Variants in MAP3K9 observed in about 807,000 individuals in gnomAD.
MAP3K9 encodes mitogen-activated protein kinase kinase kinase 9, also known as mixed lineage kinase 1 (tyr and ser/thr specificity).
MAP3K9 carries 46 observed loss-of-function variants against 95.8 expected under a neutral mutation model. The observed-to-expected ratio is 0.48, with a 90% CI of 0.38 to 0.61. The LOEUF (loss-of-function observed/expected upper bound fraction) is 0.61, where lower values mean the gene tolerates loss of function less well. MAP3K9 is among the 20% of genes least tolerant of loss of function. MAP3K9 has a pLI of 0.00. For missense variants in MAP3K9, 1,296 were observed against 1,474.3 expected (o/e 0.88, Z 1.98); for synonymous variants, 533 against 593.8 (o/e 0.90, Z 1.49).
chr14:70,796,597 T>C (rs1255811164), intron 2 of MAP3K9, among the ~76,000 whole-genome samples: 1 of 152,198 alleles, frequency 6.6e-6, no homozygotes, highest in Admixed American at 6.5e-5. Flanking sequence ...CAGCGAGTGA[T>C]GGCCAGGCGA....
intron 5 of MAP3K9, among the ~76,000 whole-genome samples, chr14:70,747,266 C>T (rs2054160530): frequency 6.6e-6 from 1 of 152,100 alleles, no homozygotes; most frequent in Non-Finnish European, 1.5e-5. Context: ...ATAATTGAAT[C>T]ATGGGGGTGG....
chr14:70,755,116 T>G (rs956468982), intron 3 of MAP3K9, among the ~76,000 whole-genome samples: 1 of 152,226 alleles, frequency 6.6e-6, no homozygotes, highest in Non-Finnish European at 1.5e-5. Context: ...CAGCTCTGGA[T>G]GAGTTCCAGG....
chr14:70,758,050 A>G (rs1043691667), intron 3 of MAP3K9, among the ~76,000 whole-genome samples: 1 of 152,194 alleles, frequency 6.6e-6, no homozygotes, highest in African/African-American at 2.4e-5. Context: ...AAAATAAACT[A>G]GACATCATCA....
chr14:70,785,589 T>C (rs1333877419), intron 2 of MAP3K9, among the ~76,000 whole-genome samples: 9 of 152,136 alleles, frequency 5.9e-5, no homozygotes, highest in Non-Finnish European at 1.0e-4. Flanking sequence ...GTAGATGACA[T>C]AGGCGAGGTG....
rs765492788 is a variant in MAP3K9 at position 70,733,122 on chromosome 14, G to A, written c.2247C>T (p.Cys749=). The A allele has an allele frequency of 4.3e-6, 7 of 1,613,730 alleles. No individual in the cohort carries two copies. Among genetic ancestry groups the A allele is most frequent in the East Asian group, 4.5e-5 (2 of 44,880 alleles). ...CCCCACAGCCGAGCAGAGCCACCTC[G>A]CAGCGGCGGTGGTGGGCACCGCCCC... ...LKRGGAHHRR[C]EVALLGCGAV... Residue 749 remains cysteine, a synonymous_variant, in exon 11 of 12, where the codon TGC becomes TGT. Transcript: ENST00000554752.
At chr14:70,738,162 G>T in intron 8 of MAP3K9, 83 bp downstream of exon 8, 1 of 1,398,854 alleles carries the variant, frequency 7.1e-7, no homozygotes, top group Non-Finnish European at 9.6e-7. Context: ...ACACGACAGA[G>T]AAAAAAAGTT....
Position 70,730,702 on chromosome 14 carries a change from G to A in MAP3K9, c.2993C>T (p.Ser998Phe), listed in dbSNP as rs763330038. Reference sequence around the variant, plus strand: ...AGGGTCCAGCCGTTGCCGGTTGGCAGAAGGACGCGGCCGAGGCAGAAACTC... The same window carrying A: ...AGGGTCCAGCCGTTGCCGGTTGGCAAAAGGACGCGGCCGAGGCAGAAACTC... ...TLEFLPRPRP[S>F]ANRQRLDPWW... The change falls in exon 12 of 12, where the codon TCT becomes TTT. Residue 998 changes from serine to phenylalanine, a missense_variant. Physicochemically the swap from Ser to Phe is radical, Grantham distance 155 (BLOSUM62 -2). Around this residue, in one of 5 missense-constraint regions of MAP3K9, gnomAD observed 433 missense variants for 441.4 expected, o/e 0.98. Coordinates refer to ENST00000554752, the MANE Select transcript of MAP3K9 (RefSeq NM_001284230.2). The A allele has an allele frequency of 2.5e-6, 4 of 1,613,868 alleles. No individual in the cohort carries two copies. The South Asian group carries it at 3.3e-5, about 13-fold the overall frequency.
At chr14:70,756,143 T>C (rs1344424581) in intron 3 of MAP3K9, among the ~76,000 whole-genome samples, 2 of 152,168 alleles carry the variant, frequency 1.3e-5, no homozygotes, top group Non-Finnish European at 2.9e-5. Context: ...AGCTCTGCAA[T>C]GGCCTTGTCT....
chr14:70,790,964 T>C (rs541278252), intron 2 of MAP3K9, among the ~76,000 whole-genome samples: 3 of 152,196 alleles, frequency 2.0e-5, no homozygotes, highest in Non-Finnish European at 4.4e-5. Flanking sequence ...CAGGCTCTTC[T>C]CTCATCTCCT....
At position 70,730,848 on chromosome 14, in the gene MAP3K9, G is replaced by A. The variant is rs2053891346; in HGVS notation, c.2847C>T (p.Pro949=). The A allele has an allele frequency of 1.2e-6, 2 of 1,603,378 alleles. No homozygotes were observed. The highest frequency in any genetic ancestry group is 1.7e-6 in the Non-Finnish European group (2 of 1,176,934). Reference sequence around the variant, plus strand: ...ATTCACCTGGGTCTCGGCTGGGACTGGGGGTTTTCAACATTCCTGGTCAAA... The same window carrying A: ...ATTCACCTGGGTCTCGGCTGGGACTAGGGGTTTTCAACATTCCTGGTCAAA... The part of the protein sequence containing the change: ...PSPGAGMLKT[P]SPSRDPGEFP... The change falls in exon 12 of 12, where the codon CCC becomes CCT. Residue 949 remains proline (P), a synonymous_variant. Transcript: ENST00000554752.
At chr14:70,802,799 T>G (rs2139864199) in intron 1 of MAP3K9, among the ~76,000 whole-genome samples, 2 of 152,326 alleles carry the variant, frequency 1.3e-5, no homozygotes, top group Middle Eastern at 3.4e-3. Flanking sequence ...GTCTGCCCTA[T>G]TCACCACTGC....
chr14:70,759,416 T>C (rs1426664162), intron 3 of MAP3K9, among the ~76,000 whole-genome samples: 9 of 152,176 alleles, frequency 5.9e-5, no homozygotes, highest in Non-Finnish European at 1.2e-4. Context: ...CACTCCAGCC[T>C]GGGCAACAGA....
chr14:70,789,121 G>A (rs1446097533), intron 2 of MAP3K9, among the ~76,000 whole-genome samples: 1 of 152,228 alleles, frequency 6.6e-6, no homozygotes, highest in Non-Finnish European at 1.5e-5. Context: ...CAGACAGGAC[G>A]AGGCTGCATT....
chr14:70,761,076 C>T lies in MAP3K9; in HGVS notation c.927G>A (p.Ala309=), dbSNP rs759292474. ...GTGCCATCCAAGCATACGTCCCTGC[C>T]GCACTCATCTTGGTGGTTCGGTGCC... ...REWHRTTKMS[A]AGTYAWMAPE... The change falls in exon 3 of 12, where the codon GCG becomes GCA. Residue 309 remains alanine (A), a synonymous_variant. Transcript: ENST00000554752. 101 of 1,614,004 alleles carry T rather than the reference C, an allele frequency of 6.3e-5. No individual in the cohort carries two copies. Among genetic ancestry groups the T allele is most frequent in the South Asian group, 1.1e-4 (10 of 91,062 alleles).
At chr14:70,746,088 C>A (rs576857212) in intron 5 of MAP3K9, among the ~76,000 whole-genome samples, 1 of 152,212 alleles carries the variant, frequency 6.6e-6, no homozygotes, top group African/African-American at 2.4e-5. Context: ...AAAAAATATT[C>A]CTGGTTGGTT....
rs190369113 is a variant in MAP3K9, at chr14:70,730,502, G to A, written c.3193C>T (p.Arg1065Trp). Residue 1065 changes from arginine (R) to tryptophan (W), a missense_variant, in exon 12 of 12, where the codon CGG becomes TGG. Coordinates refer to ENST00000554752, the MANE Select transcript of MAP3K9 (RefSeq NM_001284230.2). Reference protein sequence around the residue: ...FQAGPLPPTERTLLDLDAEGQ... With the variant: ...FQAGPLPPTEWTLLDLDAEGQ... ...TCTGCATCCAGGTCCAGGAGCGTCC[G>A]CTCAGTCGGGGGCAGCGGCCCTGCC... 4.2e-5 allele frequency: 67 copies of A among 1,613,956 alleles called. 1 individual carries two copies. Among genetic ancestry groups the A allele is most frequent in the South Asian group, 8.8e-5 (8 of 91,080 alleles).
chr14:70,766,978 C>T (rs1002746387), intron 2 of MAP3K9, among the ~76,000 whole-genome samples: 5 of 152,102 alleles, frequency 3.3e-5, no homozygotes, highest in Middle Eastern at 3.2e-3. Flanking sequence ...TCATCATTTC[C>T]GCTAGCATGT....
chr14:70,795,754 T>C (rs2054857444), intron 2 of MAP3K9, among the ~76,000 whole-genome samples: 1 of 149,658 alleles, frequency 6.7e-6, no homozygotes, highest in Non-Finnish European at 1.5e-5. Flanking sequence ...TTTAACTTTT[T>C]TCATTCTTTT....
At chr14:70,750,390 C>A (rs148840990) in intron 3 of MAP3K9, among the ~76,000 whole-genome samples, 120 of 152,332 alleles carry the variant, frequency 7.9e-4, no homozygotes, top group African/African-American at 2.8e-3. Flanking sequence ...CACTATCAGT[C>A]TGGCAAGGCT....
Sources: allele counts gnomAD v4.1 joint callset (sites outside exome capture counted in the v4.1 genomes callset), GRCh38; gene constraint gnomAD v4.1.1; regional missense constraint gnomAD v4.1.1; transcripts MANE v1.5; gene names NCBI Gene and HGNC (gene_info 2026-07-23, HGNC 2026-07-21).